PSD2: variants seen among roughly 807,000 people sequenced by gnomAD.
PSD2 encodes the protein pleckstrin and Sec7 domain containing 2, also known as PH and SEC7 domain-containing protein 2.
In PSD2, 38 loss-of-function variants were observed where a neutral mutation model predicts 69.8. That is an observed-to-expected ratio of 0.54 (90% CI 0.42 to 0.71). The LOEUF (loss-of-function observed/expected upper bound fraction) is 0.71. Among genes scored for constraint, PSD2 ranks in the 30% least tolerant of loss-of-function variants. PSD2 has a pLI of 0.00. For synonymous variants in PSD2, 412 were observed against 423.0 expected, an observed-to-expected ratio of 0.97 and a Z score of 0.32; for missense variants, 943 against 1,014.5, an observed-to-expected ratio of 0.93 and a Z score of 0.96.
the PSD2 span, among the ~76,000 whole-genome samples, chr5:139,765,564 C>G: frequency 6.6e-6 from 1 of 152,236 alleles, no homozygotes; most frequent in Non-Finnish European, 1.5e-5. Context: ...AATCCCCATT[C>G]GCCCCCTTGC....
chr5:139,824,398 T>TG (rs1460239997), intron 7 of PSD2, among the ~76,000 whole-genome samples: 110 of 146,344 alleles, frequency 7.5e-4, no homozygotes, highest in African/African-American at 2.8e-3. Context: ...TCTCTTGTTT[T>TG]TTTTTTTTTT....
At chr5:139,800,661 C>A (rs572880801) in intron 1 of PSD2, among the ~76,000 whole-genome samples, 1 of 152,224 alleles carries the variant, frequency 6.6e-6, no homozygotes, top group African/African-American at 2.4e-5. Flanking sequence ...GCAGTCAGAG[C>A]GTCCTGAGGC....
At chr5:139,798,189 T>C (rs1759581851) in intron 1 of PSD2, among the ~76,000 whole-genome samples, 1 of 152,130 alleles carries the variant, frequency 6.6e-6, no homozygotes, top group African/African-American at 2.4e-5. Flanking sequence ...TTGGGGGAGT[T>C]GGGTGGGCTT....
chr5:139,817,283 C>T (rs1456512811), intron 4 of PSD2, among the ~76,000 whole-genome samples, 198 bp from the exon 5 acceptor site: 1 of 151,694 alleles, frequency 6.6e-6, no homozygotes, highest in African/African-American at 2.4e-5. Flanking sequence ...TTGACTGAGA[C>T]ATCACCTCCT....
chr5:139,820,942 T>C (rs1203679755), intron 5 of PSD2, among the ~76,000 whole-genome samples: 1 of 151,464 alleles, frequency 6.6e-6, no homozygotes, highest in African/African-American at 2.4e-5. Flanking sequence ...GTTGTTTTTT[T>C]TTTTTCTTGA....
At chr5:139,754,441 T>A in the PSD2 span, among the ~76,000 whole-genome samples, 2 of 152,070 alleles carry the variant, frequency 1.3e-5, no homozygotes, top group East Asian at 3.9e-4. Flanking sequence ...CTCACACCTG[T>A]AATCTCAGCA....
At chr5:139,818,977 A>T (rs1760190659) in intron 5 of PSD2, among the ~76,000 whole-genome samples, 1 of 152,148 alleles carries the variant, frequency 6.6e-6, no homozygotes, top group Admixed American at 6.5e-5. Context: ...TGAACATATT[A>T]GTTGTAAAGC....
intron 9 of PSD2, 62 bp downstream of exon 9, chr5:139,835,828 G>C (rs1760702049): frequency 6.5e-7 from 1 of 1,531,280 alleles, no homozygotes; most frequent in Admixed American, 1.7e-5. Context: ...GGAGTGTGGG[G>C]GTGCAGGTCC....
chr5:139,819,257 A>G (rs1033256281), intron 5 of PSD2, among the ~76,000 whole-genome samples: 2 of 152,196 alleles, frequency 1.3e-5, no homozygotes, highest in Non-Finnish European at 2.9e-5. Context: ...GAAGTTTGGT[A>G]TGGCTCAGGG....
At position 139,837,558 on chromosome 5, in the gene PSD2, A is replaced by G; in HGVS notation, c.1666-67A>G. 1 of 1,472,414 alleles carries G rather than the reference A, an allele frequency of 6.8e-7. No individual in the cohort carries two copies. The allele number at this position is 1,472,414 out of a possible 1,614,324, so 91.2% of individuals were successfully genotyped here. A position where few individuals can be genotyped will look rare whatever the true frequency, so the allele number is the denominator to read the frequency against. Reference sequence around the variant, plus strand: ...GGAGCCGTAGGGTTAGACAGAGAGCAGTGAGGGGAGGGGAGAGTGGAAGGT... The same window carrying G: ...GGAGCCGTAGGGTTAGACAGAGAGCGGTGAGGGGAGGGGAGAGTGGAAGGT... On this transcript the variant is annotated intron_variant, in intron 11 of 14. Coordinates refer to ENST00000274710, the MANE Select transcript of PSD2 (RefSeq NM_032289.4). The surrounding 1 kb of genome is among the most constrained non-coding windows in gnomAD (Gnocchi z 5.0).
At position 139,838,734 on chromosome 5, in the gene PSD2, C is replaced by G. The variant is rs764323415; in HGVS notation, c.1930C>G (p.Arg644Gly). The change falls in exon 13 of 15, where the codon CGG becomes GGG. Residue 644 changes from arginine (R) to glycine (G), a missense_variant. Physicochemically the swap from Arg to Gly is moderately radical, Grantham distance 125 (BLOSUM62 -2). Transcript: ENST00000274710. ...TGTCAGCTCCATGAAGAAGTTCTGT[C>G]GGCCCCTGCTGCCCTCCTGCACCAC... ...AAVSSMKKFC[R>G]PLLPSCTTRL... 3 of 1,613,626 alleles carry G rather than the reference C, an allele frequency of 1.9e-6. No individual in the cohort carries two copies. The highest frequency in any genetic ancestry group is 1.3e-5 in the African/African-American group (1 of 74,874).
At chr5:139,809,342 C>A in intron 1 of PSD2, 49 bp from the exon 2 acceptor site, 3 of 1,436,358 alleles carry the variant, frequency 2.1e-6, no homozygotes, top group Non-Finnish European at 2.8e-6. Context: ...AGGTGCCCCC[C>A]AGCCCCAGTC....
chr5:139,756,817 C>A, the PSD2 span, among the ~76,000 whole-genome samples: 3 of 152,116 alleles, frequency 2.0e-5, no homozygotes, highest in Non-Finnish European at 4.4e-5. Context: ...CAGTTTCCTC[C>A]GCTGGGAAAT....
At chr5:139,777,320 C>T in the PSD2 span, among the ~76,000 whole-genome samples, 1 of 152,190 alleles carries the variant, frequency 6.6e-6, no homozygotes, top group Non-Finnish European at 1.5e-5. Context: ...AATCCTACCA[C>T]CCAGAGATGA....
chr5:139,800,755 C>G (rs566449567), intron 1 of PSD2, among the ~76,000 whole-genome samples: 1 of 152,228 alleles, frequency 6.6e-6, no homozygotes, highest in African/African-American at 2.4e-5. Flanking sequence ...TGTTCCTGCT[C>G]CTGGTTAAGG....
chr5:139,760,853 A>T, the PSD2 span, among the ~76,000 whole-genome samples: 1 of 152,078 alleles, frequency 6.6e-6, no homozygotes, highest in Non-Finnish European at 1.5e-5. Context: ...ATAGAGAATG[A>T]TGTACTGATG....
At chr5:139,756,347 T>A in the PSD2 span, among the ~76,000 whole-genome samples, 1 of 152,148 alleles carries the variant, frequency 6.6e-6, no homozygotes, top group African/African-American at 2.4e-5. Context: ...GCCGCGGCGC[T>A]GGAGGGAGTG....
chr5:139,815,575 T>C (rs17118443), intron 4 of PSD2, among the ~76,000 whole-genome samples: 44,087 of 152,072 alleles, frequency 0.29, 7,310 homozygotes, highest in African/African-American at 0.46. Flanking sequence ...ACCTCTTGTG[T>C]CAAGGTCATT....
chr5:139,817,622 AT>A, intron 5 of PSD2, 61 bp downstream of exon 5: 1 of 1,350,162 alleles, frequency 7.4e-7, no homozygotes, highest in South Asian at 1.2e-5. Flanking sequence ...CTGGATTCTC[AT>A]GTCAACTCTA....
Sources: gnomAD v4.1 joint callset for allele counts (sites outside exome capture counted in the v4.1 genomes callset) on GRCh38, gnomAD v4.1.1 for gene constraint, Gnocchi (gnomAD v3.1) non-coding constraint, MANE v1.5 for transcripts, NCBI Gene and HGNC (gene_info 2026-07-23, HGNC 2026-07-21) for gene names.